CSMD1: variants seen among roughly 807,000 people sequenced by gnomAD.
CSMD1 encodes CUB and sushi domain-containing protein 1.
A neutral mutation model predicts 417.5 loss-of-function variants in CSMD1; 213 were observed. The ratio of observed to expected loss-of-function variants is 0.51; its 90% CI spans 0.46 to 0.57. CSMD1 has a LOEUF of 0.57. Ranked by LOEUF, CSMD1 falls within the 20% of genes least tolerant of loss-of-function variation. CSMD1 has a pLI of 0.00. For missense variants in CSMD1, 6,923 were observed against 4,529.7 expected (o/e 1.53, Z -15.17); for synonymous variants, 2,862 against 1,736.8 (o/e 1.65, Z -16.11).
chr8:3,147,029 T>C (rs75297146), intron 40 of CSMD1, among the ~76,000 whole-genome samples: 5,872 of 152,020 alleles, frequency 0.039, 136 homozygotes, highest in South Asian at 0.074. Context: ...TAACGTCTTA[T>C]ATTCCGGATA....
chr8:4,926,827 G>T (rs998895309), intron 1 of CSMD1, among the ~76,000 whole-genome samples: 1 of 151,976 alleles, frequency 6.6e-6, no homozygotes, highest in East Asian at 1.9e-4. Flanking sequence ...TATCTACCTA[G>T]AACTCCTCCC....
At chr8:4,344,838 C>G (rs1408281342) in intron 3 of CSMD1, among the ~76,000 whole-genome samples, 1 of 152,092 alleles carries the variant, frequency 6.6e-6, no homozygotes, top group Non-Finnish European at 1.5e-5. Flanking sequence ...TAAAAAGGAT[C>G]TTTGAGAACC....
intron 10 of CSMD1, 63 bp downstream of exon 10, chr8:3,574,882 C>T: frequency 6.5e-7 from 1 of 1,539,444 alleles, no homozygotes; most frequent in Non-Finnish European, 8.8e-7. Context: ...CTGTTTGCTT[C>T]AACAATAGAT....
intron 3 of CSMD1, among the ~76,000 whole-genome samples, chr8:4,167,653 T>G (rs952061864): frequency 6.6e-6 from 1 of 152,158 alleles, no homozygotes; most frequent in African/African-American, 2.4e-5. Flanking sequence ...AAGATACAGA[T>G]TGGCCACATA....
At chr8:4,200,389 G>C (rs891847699) in intron 3 of CSMD1, among the ~76,000 whole-genome samples, 1 of 152,008 alleles carries the variant, frequency 6.6e-6, no homozygotes, top group Non-Finnish European at 1.5e-5. Context: ...ACTTTAAAAA[G>C]CAGAAAAAAA....
chr8:4,191,068 G>A (rs1798997116), intron 3 of CSMD1, among the ~76,000 whole-genome samples: 1 of 149,700 alleles, frequency 6.7e-6, no homozygotes, highest in South Asian at 2.1e-4. Flanking sequence ...ATGTAACTAA[G>A]ATACACATGG....
At chr8:4,948,794 A>G (rs1349587866) in intron 1 of CSMD1, among the ~76,000 whole-genome samples, 2 of 152,086 alleles carry the variant, frequency 1.3e-5, no homozygotes, top group Non-Finnish European at 2.9e-5. Flanking sequence ...ACGTGTTTTT[A>G]TATTCCCTTA....
At chr8:4,517,242 G>T (rs1185316650) in intron 2 of CSMD1, among the ~76,000 whole-genome samples, 3 of 152,162 alleles carry the variant, frequency 2.0e-5, no homozygotes, top group Non-Finnish European at 2.9e-5. Flanking sequence ...CATAAACAAT[G>T]AAATAATCAT....
intron 50 of CSMD1, among the ~76,000 whole-genome samples, chr8:3,037,203 C>T (rs1274427033): frequency 7.0e-6 from 1 of 142,328 alleles, no homozygotes; most frequent in Non-Finnish European, 1.6e-5. Context: ...ATATACCACA[C>T]TTTCTTTTTT....
chr8:3,286,857 G>C (rs1209973949), intron 25 of CSMD1, among the ~76,000 whole-genome samples: 3 of 152,098 alleles, frequency 2.0e-5, no homozygotes, highest in African/African-American at 4.8e-5. Flanking sequence ...TTTGGCTTTT[G>C]TTGCCATTGC....
At chr8:3,422,581 A>T (rs1344802159) in intron 12 of CSMD1, among the ~76,000 whole-genome samples, 1 of 152,228 alleles carries the variant, frequency 6.6e-6, no homozygotes, top group Non-Finnish European at 1.5e-5. Context: ...TTTGAAAAAG[A>T]GCATGTTACA....
At chr8:4,582,792 G>T (rs955289736) in intron 2 of CSMD1, among the ~76,000 whole-genome samples, 1 of 152,340 alleles carries the variant, frequency 6.6e-6, no homozygotes, top group East Asian at 1.9e-4. Flanking sequence ...GGCCAAGGCC[G>T]GAGCCCACTC....
At chr8:3,485,923 C>G (rs1050911286) in intron 11 of CSMD1, among the ~76,000 whole-genome samples, 1 of 152,114 alleles carries the variant, frequency 6.6e-6, no homozygotes, top group African/African-American at 2.4e-5. Context: ...AACATTTCCA[C>G]TGGAGATCCG....
chr8:4,165,722 A>G (rs751619780), intron 3 of CSMD1, among the ~76,000 whole-genome samples: 2 of 152,114 alleles, frequency 1.3e-5, no homozygotes, highest in Non-Finnish European at 2.9e-5. Context: ...TTTTTATTAC[A>G]AGTTTAATCA....
At chr8:4,483,872 T>TA (rs538696580) in intron 2 of CSMD1, among the ~76,000 whole-genome samples, 8 of 152,012 alleles carry the variant, frequency 5.3e-5, no homozygotes, top group Non-Finnish European at 1.0e-4. Context: ...ATACTTAGAG[T>TA]AAGTCAAAAA....
At chr8:4,732,282 T>C (rs1809934644) in intron 1 of CSMD1, among the ~76,000 whole-genome samples, 2 of 151,802 alleles carry the variant, frequency 1.3e-5, no homozygotes, top group Admixed American at 6.6e-5. Context: ...CTCTGCTAGA[T>C]TCTAGAAACC....
intron 68 of CSMD1, 36 bp from the exon 69 acceptor site, chr8:2,942,640 T>C (rs529003948): frequency 1.3e-6 from 2 of 1,490,540 alleles, no homozygotes; most frequent in South Asian, 2.6e-5. Flanking sequence ...TTGTTGTTAC[T>C]GTACTCTGCT....
intron 3 of CSMD1, among the ~76,000 whole-genome samples, chr8:4,178,431 C>A (rs1798176756): frequency 1.3e-5 from 2 of 150,978 alleles, no homozygotes; most frequent in African/African-American, 2.5e-5. Flanking sequence ...GGACGTATCT[C>A]AAAATAATAA....
At chr8:3,286,288 C>A (rs1016401130) in intron 25 of CSMD1, among the ~76,000 whole-genome samples, 1 of 152,106 alleles carries the variant, frequency 6.6e-6, no homozygotes, top group Non-Finnish European at 1.5e-5. Flanking sequence ...TATAAACATA[C>A]GTGTGCATGT....
Sources: gnomAD v4.1 joint callset for allele counts (sites outside exome capture counted in the v4.1 genomes callset) on GRCh38, gnomAD v4.1.1 for gene constraint, MANE v1.5 for transcripts, NCBI Gene and HGNC (gene_info 2026-07-23, HGNC 2026-07-21) for gene names.